LRPPRC: variants seen among roughly 807,000 people sequenced by gnomAD.
The protein encoded by LRPPRC is leucine rich pentatricopeptide repeat containing.
A neutral mutation model predicts 180.3 loss-of-function variants in LRPPRC; 120 were observed. That is an observed-to-expected ratio of 0.67 (90% confidence interval 0.57 to 0.77). LRPPRC has a LOEUF of 0.77. LRPPRC is among the 30% of genes least tolerant of loss of function. The pLI is 0.00. For missense variants in LRPPRC, 2,012 were observed against 1,657.2 expected (o/e 1.21, Z -3.72); for synonymous variants, 723 against 600.0 (o/e 1.21, Z -3.00).
chr2:43,938,780 C>T (rs1282784220), intron 23 of LRPPRC, among the ~76,000 whole-genome samples: 1 of 152,076 alleles, frequency 6.6e-6, no homozygotes, highest in African/African-American at 2.4e-5. Context: ...TTTGAGATAC[C>T]AAGAAACATG....
chr2:43,909,611 TTAATAATAATAATAATAATAA>T (rs10542740), intron 30 of LRPPRC, among the ~76,000 whole-genome samples: 6 of 143,714 alleles, frequency 4.2e-5, no homozygotes, highest in Non-Finnish European at 6.0e-5. Flanking sequence ...AAAAACCCAA[TTAATAATAATAATAATAATAA>T]TAATAATAAT....
At position 43,963,700 on chromosome 2, in the gene LRPPRC, AT is replaced by A; in HGVS notation, c.1375del (p.Ile459LeufsTer23). ...TTCTTGCATTCCTTTGAGGATTTCA[AT>A]TATACCTACCAAATAAAATGTAGAA... is the stretch of plus-strand genomic sequence containing the variant. ...RRKEKNVQGI[I>X]EILKGMQELG... On this transcript the variant is annotated frameshift_variant, in exon 12 of 38. Transcript: ENST00000260665. LOFTEE classifies it high-confidence loss of function. The A allele has an allele frequency of 1.3e-6, 2 of 1,483,986 alleles. No homozygotes were observed. Among genetic ancestry groups the A allele is most frequent in the Non-Finnish European group, 1.9e-6 (2 of 1,061,956 alleles). 91.9% of individuals were successfully genotyped at this position (1,483,986 alleles called of 1,614,324 possible). A position where few individuals can be genotyped will look rare whatever the true frequency, so the allele number is the denominator to read the frequency against.
rs769246677 is a variant in LRPPRC, at chr2:43,959,165, G to C, written c.1582+1376C>G. On this transcript the variant is annotated intron_variant, in intron 13 of 37. Coordinates refer to ENST00000260665, the MANE Select transcript of LRPPRC (RefSeq NM_133259.4). ...GGCAGCTCTCATGGATCCACCTCGTGAGCCCAGATTCCTCTGCTAATGCTT... is the reference window on the plus strand; with the variant it reads ...GGCAGCTCTCATGGATCCACCTCGTCAGCCCAGATTCCTCTGCTAATGCTT... 3 of 714,484 alleles carry C rather than the reference G, an allele frequency of 4.2e-6. No individual in the cohort carries two copies. The East Asian group carries it at 8.1e-5, about 19-fold the overall frequency. The allele number at this position is 714,484 out of a possible 1,614,324, so 44.3% of individuals were successfully genotyped here.
chr2:43,903,739 A>G (rs1670969152), intron 31 of LRPPRC: 1 of 152,180 alleles, frequency 6.6e-6, no homozygotes, highest in African/African-American at 2.4e-5. Flanking sequence ...AATAAAGGGT[A>G]CCAATCCAGC....
rs376511527 is a variant in LRPPRC at position 43,934,251 on chromosome 2, T to C, written c.2675A>G (p.Tyr892Cys). 1.6e-5 allele frequency: 26 copies of C among 1,612,238 alleles called. No individual in the cohort carries two copies. Among genetic ancestry groups the C allele is most frequent in the East Asian group, 2.2e-5 (1 of 44,768 alleles). Residue 892 changes from tyrosine to cysteine, a missense_variant, in exon 25 of 38, where the codon TAT becomes TGT. Coordinates refer to ENST00000260665, the MANE Select transcript of LRPPRC (RefSeq NM_133259.4). Reference protein sequence around the residue: ...SQEQGEMVMLYDLFFAFLQTG... With the variant: ...SQEQGEMVMLCDLFFAFLQTG... ...TTGTAGGAAGGCAAAGAAGAGATCA[T>C]AGAGCATCACCATTTCACCTTGTTC...
In LRPPRC at chr2:43,887,187, CAT is replaced by C. The variant is rs1238917979; in HGVS notation, c.*1411_*1412del. 2 of 126,096 alleles carry C rather than the reference CAT, an allele frequency of 1.6e-5. No homozygotes were observed. Among genetic ancestry groups the C allele is most frequent in the Non-Finnish European group, 3.4e-5 (2 of 58,182 alleles). 7.8% of individuals were successfully genotyped at this position (126,096 alleles called of 1,614,324 possible). ...AAAGATGCTTTTGGCAAACCTGTAA[CAT>C]GTGCAGGTCCTGCATCTGGGCAGTG... On this transcript the variant is annotated 3_prime_UTR_variant, in exon 38 of 38. Coordinates refer to ENST00000260665, the MANE Select transcript of LRPPRC (RefSeq NM_133259.4).
intron 37 of LRPPRC, among the ~76,000 whole-genome samples, chr2:43,889,096 C>T (rs983484250): frequency 4.6e-5 from 7 of 152,090 alleles, no homozygotes; most frequent in Non-Finnish European, 1.0e-4. Context: ...GTGGGCGGAT[C>T]ACGAGGTCAG....
At chr2:43,992,750 T>C (rs913261025) in intron 1 of LRPPRC, among the ~76,000 whole-genome samples, 2 of 152,004 alleles carry the variant, frequency 1.3e-5, no homozygotes, top group African/African-American at 4.8e-5. Context: ...GGAAGGCAGG[T>C]AGAAACAGCA....
rs567615673 is a variant in LRPPRC, at chr2:43,948,303, T to C, written c.1843-104A>G. 5.9e-4 allele frequency: 536 copies of C among 913,064 alleles called. 4 individuals are homozygous for C. In the Middle Eastern group the frequency reaches 0.012, roughly 20 times the overall value. 56.6% of individuals were successfully genotyped at this position (913,064 alleles called of 1,614,324 possible). ...CAGACATAATTTAAGTCTCCAACTC[T>C]TGCATGTCATTGAGAAGTGGTCTGG... is the stretch of plus-strand genomic sequence containing the variant. On this transcript the variant is annotated intron_variant, in intron 17 of 37. Transcript: ENST00000260665.
chr2:43,980,969 G>C (rs927507215), intron 2 of LRPPRC, among the ~76,000 whole-genome samples: 1 of 152,118 alleles, frequency 6.6e-6, no homozygotes, highest in African/African-American at 2.4e-5. Context: ...CATAACTATA[G>C]TAATAATTAA....
chr2:43,914,516 T>A (rs372335991), intron 29 of LRPPRC, among the ~76,000 whole-genome samples: 1 of 151,336 alleles, frequency 6.6e-6, no homozygotes, highest in Non-Finnish European at 1.5e-5. Flanking sequence ...TCACTTGAGG[T>A]TGGGAGTTCG....
chr2:43,921,771 G>A (rs1671708773), intron 27 of LRPPRC, among the ~76,000 whole-genome samples: 1 of 152,114 alleles, frequency 6.6e-6, no homozygotes, highest in Admixed American at 6.6e-5. Flanking sequence ...AATAATGGAG[G>A]AGGAAAAAGC....
At position 43,995,830 on chromosome 2, in the gene LRPPRC, G is replaced by C. The variant is rs1675031041; in HGVS notation, c.118C>G (p.Leu40Val). Residue 40 changes from leucine (L) to valine (V), a missense_variant, in exon 1 of 38, where the codon CTG becomes GTG. By Grantham distance (32) the Leu-to-Val change is conservative (BLOSUM62 1). Transcript: ENST00000260665. ...GPGRLHAASY[L>V]PAARAGPVAG... Reference sequence around the variant, plus strand: ...ACGGGCCCGGCGCGAGCGGCGGGCAGATAGGAGGCGGCATGCAGCCGGCCC... The same window carrying C: ...ACGGGCCCGGCGCGAGCGGCGGGCACATAGGAGGCGGCATGCAGCCGGCCC... 1 of 1,437,438 alleles carries C rather than the reference G, an allele frequency of 7.0e-7. No homozygotes were observed. Among genetic ancestry groups the C allele is most frequent in the South Asian group, 1.4e-5 (1 of 69,430 alleles). 89.0% of individuals were successfully genotyped at this position (1,437,438 alleles called of 1,614,324 possible). A position where few individuals can be genotyped will look rare whatever the true frequency, so the allele number is the denominator to read the frequency against.
intron 14 of LRPPRC, among the ~76,000 whole-genome samples, chr2:43,952,974 G>A (rs1672963336): frequency 2.0e-5 from 3 of 152,158 alleles, no homozygotes; most frequent in Non-Finnish European, 4.4e-5. Flanking sequence ...TACTCATAAA[G>A]ACCCCTGGGC....
At chr2:43,991,439 C>T (rs1468038097) in intron 1 of LRPPRC, among the ~76,000 whole-genome samples, 1 of 152,162 alleles carries the variant, frequency 6.6e-6, no homozygotes, top group African/African-American at 2.4e-5. Context: ...CATCAAAGAA[C>T]AATATGTAAT....
rs1240310136 is a variant in LRPPRC, at chr2:43,995,806, C to T, written c.142G>A (p.Val48Met). The T allele has an allele frequency of 2.2e-6, 3 of 1,388,836 alleles. No homozygotes were observed. Among genetic ancestry groups the T allele is most frequent in the East Asian group, 2.9e-5 (1 of 34,014 alleles). 86.0% of individuals were successfully genotyped at this position (1,388,836 alleles called of 1,614,324 possible). A position where few individuals can be genotyped will look rare whatever the true frequency, so the allele number is the denominator to read the frequency against. The change falls in exon 1 of 38, where the codon GTG becomes ATG. Residue 48 changes from valine to methionine, a missense_variant. Coordinates refer to ENST00000260665, the MANE Select transcript of LRPPRC (RefSeq NM_133259.4). ...AAGGGCCTGGGCACTCACCCGGCCA[C>T]GGGCCCGGCGCGAGCGGCGGGCAGA... Reference protein sequence around the residue: ...SYLPAARAGPVAGGLLSPARL... With the variant: ...SYLPAARAGPMAGGLLSPARL...
At chr2:43,966,801 A>G (rs1487680733) in intron 11 of LRPPRC, among the ~76,000 whole-genome samples, 1 of 151,480 alleles carries the variant, frequency 6.6e-6, no homozygotes, top group South Asian at 2.1e-4. Context: ...CTGTAATCCC[A>G]GCACTTTGGG....
intron 32 of LRPPRC, among the ~76,000 whole-genome samples, chr2:43,900,863 C>T (rs933780781): frequency 6.6e-5 from 10 of 152,064 alleles, no homozygotes; most frequent in African/African-American, 2.4e-4. Flanking sequence ...GCTCTAAATA[C>T]CTCCCTTTTT....
chr2:43,960,467 G>A (rs975730611), intron 13 of LRPPRC, 74 bp downstream of exon 13: 3 of 850,938 alleles, frequency 3.5e-6, no homozygotes, highest in Non-Finnish European at 6.1e-6. Flanking sequence ...TTCATTGCGT[G>A]AACCACCCTG....
Sources: allele counts gnomAD v4.1 joint callset (sites outside exome capture counted in the v4.1 genomes callset), GRCh38; gene constraint gnomAD v4.1.1; transcripts MANE v1.5; gene names NCBI Gene and HGNC (gene_info 2026-07-23, HGNC 2026-07-21).